The following SGMS1 variants were observed in gnomAD, a reference collection of about 807,000 sequenced individuals.
The protein encoded by SGMS1 is sphingomyelin synthase 1, also known as phosphatidylcholine:ceramide cholinephosphotransferase 1.
A neutral mutation model predicts 46.2 loss-of-function variants in SGMS1; 13 were observed. The observed-to-expected ratio is 0.28, with a 90% CI of 0.18 to 0.45. The LOEUF (loss-of-function observed/expected upper bound fraction) is 0.45, where lower values mean the gene tolerates loss of function less well. Ranked by LOEUF, SGMS1 falls within the 20% of genes least tolerant of loss-of-function variation. The pLI is 1.00. For synonymous variants in SGMS1, 203 were observed against 187.8 expected, an observed-to-expected ratio of 1.08 and a Z score of -0.66; for missense variants, 324 against 519.9, an observed-to-expected ratio of 0.62 and a Z score of 3.66.
At chr10:50,557,650 T>C (rs536256496) in intron 2 of SGMS1, among the ~76,000 whole-genome samples, 2 of 143,574 alleles carry the variant, frequency 1.4e-5, no homozygotes, top group South Asian at 4.4e-4. Context: ...ATATAAAATC[T>C]GAACTAGCAA....
chr10:50,624,758 G>C (rs1304988438), upstream of SGMS1: 7 of 985,340 alleles, frequency 7.1e-6, no homozygotes, highest in African/African-American at 8.7e-5. Flanking sequence ...GCCCAAGTTA[G>C]GATGGACAGC....
At chr10:50,450,968 C>G (rs1038847348) in intron 5 of SGMS1, among the ~76,000 whole-genome samples, 4 of 149,564 alleles carry the variant, frequency 2.7e-5, no homozygotes, top group Non-Finnish European at 5.9e-5. Context: ...AAAATTTGAA[C>G]AAAAAATAAC....
chr10:50,482,842 C>T lies in SGMS1; in HGVS notation c.-497-15910G>A, dbSNP rs182859053. 7.2e-4 allele frequency among the ~76,000 whole-genome samples: 110 copies of T among 152,054 alleles called. 3 individuals are homozygous for T. Among genetic ancestry groups the T allele is most frequent in the Admixed American group, 6.2e-3 (95 of 15,266 alleles). On this transcript the variant is annotated intron_variant, in intron 3 of 10. Coordinates refer to ENST00000361781, the MANE Select transcript of SGMS1 (RefSeq NM_147156.4). The stretch of plus-strand genomic sequence containing the variant: ...TCACGTGCAAAGATACACATAGGCT[C>T]AAAATAAAGGGATGAAGGAAAATTT...
At chr10:50,460,520 AAGAC>A (rs1387638037) in intron 5 of SGMS1, among the ~76,000 whole-genome samples, 149 bp downstream of exon 5, 2 of 152,206 alleles carry the variant, frequency 1.3e-5, no homozygotes, top group Admixed American at 1.3e-4. Flanking sequence ...AGGTTACAGA[AAGAC>A]AGACACCAGG....
intron 6 of SGMS1, among the ~76,000 whole-genome samples, chr10:50,421,750 C>T (rs1396406848): frequency 6.6e-6 from 1 of 152,084 alleles, no homozygotes; most frequent in Admixed American, 6.6e-5. Flanking sequence ...TGGGGGCCTC[C>T]GAGTGTGCCA....
At chr10:50,548,553 A>G (rs975322435) in intron 2 of SGMS1, among the ~76,000 whole-genome samples, 3 of 152,200 alleles carry the variant, frequency 2.0e-5, no homozygotes, top group Non-Finnish European at 4.4e-5. Flanking sequence ...CATATACAAA[A>G]GTTAACTCAG....
chr10:50,341,377 G>A (rs1216106002), intron 7 of SGMS1: 3 of 455,876 alleles, frequency 6.6e-6, no homozygotes, highest in Non-Finnish European at 8.8e-6. Flanking sequence ...CCAGTAGAAG[G>A]ACAGGGTGGA....
At chr10:50,446,727 C>G (rs1262568720) in intron 5 of SGMS1, among the ~76,000 whole-genome samples, 1 of 152,194 alleles carries the variant, frequency 6.6e-6, no homozygotes, top group African/African-American at 2.4e-5. Context: ...CACTCGCACA[C>G]GTGTTTGCCT....
At chr10:50,479,612 T>A (rs1405172109) in intron 3 of SGMS1, among the ~76,000 whole-genome samples, 2 of 152,176 alleles carry the variant, frequency 1.3e-5, no homozygotes, top group Non-Finnish European at 2.9e-5. Flanking sequence ...AGTAATAGAT[T>A]TCATTGACAA....
At chr10:50,417,184 T>C (rs1203416) in intron 6 of SGMS1, among the ~76,000 whole-genome samples, 131,340 of 152,086 alleles carry the variant, frequency 0.86, 56,836 homozygotes, top group East Asian at 1. Context: ...TGTCCCCTAC[T>C]TCCCCAAACT....
chr10:50,382,292 A>G (rs903390589), intron 6 of SGMS1, among the ~76,000 whole-genome samples: 9 of 152,168 alleles, frequency 5.9e-5, no homozygotes, highest in African/African-American at 1.9e-4. Context: ...ATACAATTGT[A>G]AAGTATCTTC....
At chr10:50,571,876 T>TA (rs1838339866) in intron 2 of SGMS1, among the ~76,000 whole-genome samples, 1 of 152,138 alleles carries the variant, frequency 6.6e-6, no homozygotes, top group Non-Finnish European at 1.5e-5. Context: ...TTTAGAAGGT[T>TA]AAGTAACTTT....
intron 6 of SGMS1, among the ~76,000 whole-genome samples, chr10:50,374,221 A>T (rs1037731447): frequency 2.0e-5 from 3 of 152,214 alleles, no homozygotes; most frequent in South Asian, 4.1e-4. Flanking sequence ...TGTCCTGGGC[A>T]TTCAGTGAAC....
At chr10:50,513,424 G>A (rs1221257576) in intron 3 of SGMS1, among the ~76,000 whole-genome samples, 1 of 152,056 alleles carries the variant, frequency 6.6e-6, no homozygotes, top group African/African-American at 2.4e-5. Context: ...GAGTCTTTGA[G>A]GCTTCAAAAC....
At chr10:50,466,862 A>G (rs1837334586) in intron 4 of SGMS1, 28 bp downstream of exon 4, 1 of 152,230 alleles carries the variant, frequency 6.6e-6, no homozygotes, top group Non-Finnish European at 1.5e-5. Flanking sequence ...TTAAGCATAA[A>G]AGGTAAATAA....
intron 6 of SGMS1, among the ~76,000 whole-genome samples, chr10:50,431,183 A>C (rs1489245263): frequency 1.3e-5 from 2 of 152,224 alleles, no homozygotes; most frequent in Non-Finnish European, 2.9e-5. Context: ...TCATAATCCA[A>C]AGGCAAGTCT....
intron 3 of SGMS1, among the ~76,000 whole-genome samples, chr10:50,488,611 C>T (rs935552353): frequency 2.6e-5 from 4 of 152,148 alleles, no homozygotes; most frequent in Admixed American, 2.6e-4. Context: ...TCCCAAGTAA[C>T]ATTCTCATTC....
intron 7 of SGMS1, among the ~76,000 whole-genome samples, chr10:50,328,479 T>G (rs999815077): frequency 6.6e-6 from 1 of 152,218 alleles, no homozygotes; most frequent in Non-Finnish European, 1.5e-5. Flanking sequence ...AGAGGAAAAT[T>G]TGTTTCATGT....
At chr10:50,363,463 T>A (rs975007030) in intron 6 of SGMS1, among the ~76,000 whole-genome samples, 1 of 152,206 alleles carries the variant, frequency 6.6e-6, no homozygotes, top group African/African-American at 2.4e-5. Context: ...ACTTAATAAG[T>A]TTCTCTAGAT....
Sources: allele counts gnomAD v4.1 joint callset (sites outside exome capture counted in the v4.1 genomes callset), GRCh38; gene constraint gnomAD v4.1.1; transcripts MANE v1.5; gene names NCBI Gene and HGNC (gene_info 2026-07-23, HGNC 2026-07-21).